The following AKAP6 variants were observed in gnomAD, a reference collection of about 807,000 sequenced individuals.
AKAP6 encodes the protein A-kinase anchoring protein 6, also known as A-kinase anchor protein 6.
Under a neutral mutation model 188.5 loss-of-function variants are expected in AKAP6, and 58 were observed. That is an observed-to-expected ratio of 0.31 (90% CI 0.25 to 0.38). The LOEUF (loss-of-function observed/expected upper bound fraction) is 0.38. Among genes scored for constraint, AKAP6 ranks in the 10% least tolerant of loss-of-function variants. The probability of loss-of-function intolerance (pLI) is 1.00; values close to 1 mark genes in which losing one functional copy is unlikely to be tolerated. For missense variants in AKAP6, 2,710 were observed against 2,740.0 expected, an observed-to-expected ratio of 0.99 and a Z score of 0.24; for synonymous variants, 989 against 998.6, an observed-to-expected ratio of 0.99 and a Z score of 0.18.
chr14:32,621,222 A>G (rs1346420676), intron 7 of AKAP6, among the ~76,000 whole-genome samples: 1 of 150,142 alleles, frequency 6.7e-6, no homozygotes, highest in Non-Finnish European at 1.5e-5. Context: ...GCTAGGTTTG[A>G]GTTTGGTTTG....
At chr14:32,547,456 C>T (rs1286894413) in intron 4 of AKAP6, among the ~76,000 whole-genome samples, 1 of 152,160 alleles carries the variant, frequency 6.6e-6, no homozygotes, top group Non-Finnish European at 1.5e-5. Flanking sequence ...ATAGACCAGA[C>T]ATTTCTAATT....
intron 7 of AKAP6, among the ~76,000 whole-genome samples, chr14:32,672,234 AT>A (rs2139615468): frequency 6.6e-6 from 1 of 152,332 alleles, no homozygotes; most frequent in African/African-American, 2.4e-5. Context: ...TAGGTGCTAA[AT>A]GCATACAAAA....
At chr14:32,675,539 A>C (rs970706611) in intron 7 of AKAP6, among the ~76,000 whole-genome samples, 18 of 152,216 alleles carry the variant, frequency 1.2e-4, no homozygotes, top group Non-Finnish European at 2.6e-4. Flanking sequence ...ATAAAAAGTT[A>C]AGATAGTCTG....
At position 32,735,721 on chromosome 14, in the gene AKAP6, C is replaced by T. The variant is rs775294547; in HGVS notation, c.3211C>T (p.Leu1071=). 6.2e-7 allele frequency: 1 copy of T among 1,613,476 alleles called. No homozygotes were observed. Among genetic ancestry groups the T allele is most frequent in the East Asian group, 2.2e-5 (1 of 44,854 alleles). Residue 1071 remains leucine, a synonymous_variant, in exon 11 of 14, where the codon CTG becomes TTG. Coordinates refer to ENST00000280979, the MANE Select transcript of AKAP6 (RefSeq NM_004274.5). The part of the protein sequence containing the change: ...AGHSGSSPRD[L]LSPESGSLVR... ...GCACAGTGGGTCGAGTCCACGTGAC[C>T]TGCTCTCTCCTGAAAGTGGAAGCCT...
intron 3 of AKAP6, among the ~76,000 whole-genome samples, chr14:32,543,866 T>C (rs1883072573): frequency 6.6e-6 from 1 of 152,160 alleles, no homozygotes; most frequent in East Asian, 1.9e-4. Flanking sequence ...GAAGAAAATT[T>C]TAAGGATTAA....
intron 3 of AKAP6, among the ~76,000 whole-genome samples, chr14:32,543,954 T>C (rs1033585241): frequency 7.2e-5 from 11 of 152,220 alleles, no homozygotes; most frequent in African/African-American, 2.2e-4. Context: ...TAAATAAGGC[T>C]TTTTGTCTGT....
At chr14:32,654,117 A>AATGCCCAT (rs1256649771) in intron 7 of AKAP6, among the ~76,000 whole-genome samples, 2 of 152,150 alleles carry the variant, frequency 1.3e-5, no homozygotes, top group African/African-American at 2.4e-5. Flanking sequence ...TGCCCTATAA[A>AATGCCCAT]ATGCCCATAA....
rs1026470002 is a variant in AKAP6, at chr14:32,482,993, A to G, written c.324+49176A>G. On this transcript the variant is annotated intron_variant, in intron 2 of 13. Transcript: ENST00000280979. ...TGTGTCTGTGTGTGTGTGTGTGTAT[A>G]TATATATATATATATATATGTATCT... is the stretch of plus-strand genomic sequence containing the variant. Among the ~76,000 whole-genome samples, 264 of 91,448 alleles carry G rather than the reference A, an allele frequency of 2.9e-3. 4 individuals are homozygous for G. The highest frequency in any genetic ancestry group is 2.2e-3 in the South Asian group (3 of 1,386). 60.0% of individuals were successfully genotyped at this position (91,448 alleles called of 152,430 possible). A position where few individuals can be genotyped will look rare whatever the true frequency, so the allele number is the denominator to read the frequency against.
At chr14:32,762,067 G>A (rs957035919) in intron 11 of AKAP6, among the ~76,000 whole-genome samples, 4 of 152,048 alleles carry the variant, frequency 2.6e-5, no homozygotes, top group African/African-American at 9.7e-5. Context: ...TGTGATTGTG[G>A]GGTTTTAAGG....
rs773305850 is a variant in AKAP6, at chr14:32,600,761, T to A, written c.2699T>A (p.Val900Glu). Residue 900 changes from valine (V) to glutamate (E), a missense_variant, in exon 7 of 14, where the codon GTG becomes GAG. By Grantham distance (121) the Val-to-Glu change is moderately radical. Transcript: ENST00000280979. Reference sequence around the variant, plus strand: ...GAGATACTGGCTACTGATGTGTCTGTGGAGGATGAGGAAGGGACTGGAAGC... The same window carrying A: ...GAGATACTGGCTACTGATGTGTCTGAGGAGGATGAGGAAGGGACTGGAAGC... ...KAEILATDVS[V>E]EDEEGTGSPK... 1.9e-6 allele frequency: 3 copies of A among 1,612,010 alleles called. No homozygotes were observed. Among genetic ancestry groups the A allele is most frequent in the Admixed American group, 3.3e-5 (2 of 59,750 alleles).
chr14:32,506,855 C>CA lies in AKAP6; in HGVS notation c.325-28692dup, dbSNP rs1266414421. On this transcript the variant is annotated intron_variant, in intron 2 of 13. Transcript: ENST00000280979. ...GCCCCTCATTTTAGTTCTTTTACCT[C>CA]AAAAAAATTGCGCATCTCTTTTTCT... Among the ~76,000 whole-genome samples the CA allele has an allele frequency of 6.6e-5, 10 of 152,116 alleles. No homozygotes were observed. In the East Asian group the frequency reaches 1.2e-3, roughly 18 times the overall value.
chr14:32,694,914 C>T (rs1890340712), intron 8 of AKAP6, among the ~76,000 whole-genome samples: 1 of 152,130 alleles, frequency 6.6e-6, no homozygotes, highest in Non-Finnish European at 1.5e-5. Context: ...CTCATTAGTA[C>T]TGATAGGGTT....
At chr14:32,776,535 A>T (rs1363473593) in intron 12 of AKAP6, among the ~76,000 whole-genome samples, 2 of 152,212 alleles carry the variant, frequency 1.3e-5, no homozygotes, top group Non-Finnish European at 2.9e-5. Flanking sequence ...GTGTGAAAAC[A>T]GACTAATACA....
rs1337820359 is a variant in AKAP6 at position 32,837,613 on chromosome 14, T to C, written c.*7808T>C. On this transcript the variant is annotated 3_prime_UTR_variant, in exon 14 of 14. Coordinates refer to ENST00000280979, the MANE Select transcript of AKAP6 (RefSeq NM_004274.5). ...GTTTGCTTGCAAATATGTTTCATTT[T>C]AAAGTGTCTTTTTATATAGAAAGCC... 1 of 152,238 alleles carries C rather than the reference T, an allele frequency of 6.6e-6. No individual in the cohort carries two copies. The highest frequency in any genetic ancestry group is 2.4e-5 in the African/African-American group (1 of 41,474). 9.4% of individuals were successfully genotyped at this position (152,238 alleles called of 1,614,324 possible).
At chr14:32,716,665 T>TTATC (rs59039609) in intron 9 of AKAP6, among the ~76,000 whole-genome samples, 63,142 of 143,374 alleles carry the variant, frequency 0.44, 13,948 homozygotes, top group East Asian at 0.57. Flanking sequence ...ATGGTATACA[T>TTATC]TATCTATCTA....
At chr14:32,597,153 C>T (rs77588645) in intron 5 of AKAP6, among the ~76,000 whole-genome samples, 2,388 of 152,274 alleles carry the variant, frequency 0.016, 44 homozygotes, top group Non-Finnish European at 0.018. Flanking sequence ...GTTCCAGCTG[C>T]ATCTATTCTA....
At position 32,453,575 on chromosome 14, in the gene AKAP6, C is replaced by CTT. The variant is rs71115071; in HGVS notation, c.324+19796_324+19797dup. ...GTGGAGATAATAGAATTTTTCTTTT[C>CTT]TTTTTTTTTTTTTTTTTTTTTTTTT... is the stretch of plus-strand genomic sequence containing the variant. On this transcript the variant is annotated intron_variant, in intron 2 of 13. Coordinates refer to ENST00000280979, the MANE Select transcript of AKAP6 (RefSeq NM_004274.5). Among the ~76,000 whole-genome samples, 28 of 95,350 alleles carry CTT rather than the reference C, an allele frequency of 2.9e-4. 3 individuals carry two copies. Among genetic ancestry groups the CTT allele is most frequent in the East Asian group, 1.4e-3 (4 of 2,834 alleles). The allele number at this position is 95,350 out of a possible 152,430, so 62.6% of individuals were successfully genotyped here.
At chr14:32,411,277 T>A (rs1889475278) in intron 1 of AKAP6, among the ~76,000 whole-genome samples, 1 of 152,124 alleles carries the variant, frequency 6.6e-6, no homozygotes, top group African/African-American at 2.4e-5. Context: ...TATAGGTTGA[T>A]ATGGGCTGTT....
intron 5 of AKAP6, among the ~76,000 whole-genome samples, chr14:32,598,025 C>T (rs1428689475): frequency 2.0e-5 from 3 of 152,068 alleles, no homozygotes; most frequent in Admixed American, 6.6e-5. Flanking sequence ...GGCCAGAGGC[C>T]GTGCTTTATA....
Sources: gnomAD v4.1 joint callset for allele counts (sites outside exome capture counted in the v4.1 genomes callset) on GRCh38, gnomAD v4.1.1 for gene constraint, MANE v1.5 for transcripts, NCBI Gene and HGNC (gene_info 2026-07-23, HGNC 2026-07-21) for gene names.